Variants in DAZAP1 observed in about 807,000 individuals in gnomAD.
DAZAP1 encodes the protein DAZ-associated protein 1.
Under a neutral mutation model 60.1 loss-of-function variants are expected in DAZAP1, and 6 were observed. That is an observed-to-expected ratio of 0.10 (90% CI 0.05 to 0.20). DAZAP1 has a LOEUF of 0.20. DAZAP1 is among the 10% of genes least tolerant of loss of function. The pLI is 1.00. For synonymous variants in DAZAP1, 235 were observed against 215.9 expected, an observed-to-expected ratio of 1.09 and a Z score of -0.78; for missense variants, 366 against 560.4, an observed-to-expected ratio of 0.65 and a Z score of 3.50.
chr19:1,431,770 C>T (rs908518926), intron 10 of DAZAP1, among the ~76,000 whole-genome samples: 3 of 152,308 alleles, frequency 2.0e-5, no homozygotes, highest in East Asian at 1.9e-4. Flanking sequence ...GGGAGCCTTG[C>T]GTCCCTTACC....
chr19:1,417,453 A>G (rs558205346), intron 1 of DAZAP1, 47 bp from the exon 2 acceptor site: 5 of 1,573,262 alleles, frequency 3.2e-6, no homozygotes, highest in African/African-American at 1.3e-5. Context: ...GGGCATTTCT[A>G]AGGCGAGCGC....
At chr19:1,424,888 C>T (rs896650112) in intron 6 of DAZAP1, among the ~76,000 whole-genome samples, 5 of 152,148 alleles carry the variant, frequency 3.3e-5, no homozygotes, top group African/African-American at 7.2e-5. Flanking sequence ...TTTGCGGTGT[C>T]ACGCTCCACC....
chr19:1,425,860 C>T lies in DAZAP1; in HGVS notation c.464-18C>T. The T allele has an allele frequency of 6.4e-7, 1 of 1,566,282 alleles. No individual in the cohort carries two copies. The highest frequency in any genetic ancestry group is 8.8e-7 in the Non-Finnish European group (1 of 1,136,482). ...CACAACACCCTGCTACCTTGATTCA[C>T]TCTTCGTCGTTGGCTAGGTTTTGGA... is the stretch of plus-strand genomic sequence containing the variant. On this transcript the variant is annotated intron_variant, in intron 6 of 11. Coordinates refer to ENST00000233078, the MANE Select transcript of DAZAP1 (RefSeq NM_018959.4). This position sits in a 1 kb window ranked among gnomAD's most constrained non-coding sequence, Gnocchi z 5.4.
At chr19:1,414,014 T>C (rs1264423034) in intron 1 of DAZAP1, among the ~76,000 whole-genome samples, 2 of 150,846 alleles carry the variant, frequency 1.3e-5, no homozygotes, top group African/African-American at 4.9e-5. Context: ...TGTGTGTGTG[T>C]GTGTGTGTGT....
intron 8 of DAZAP1, 79 bp downstream of exon 8, chr19:1,429,074 T>C: frequency 6.9e-7 from 1 of 1,442,502 alleles, no homozygotes; most frequent in Non-Finnish European, 9.1e-7. Context: ...GTGCCGTCGC[T>C]GCGGCCTCCC....
chr19:1,413,138 C>T (rs991237283), intron 1 of DAZAP1, among the ~76,000 whole-genome samples: 4 of 152,234 alleles, frequency 2.6e-5, no homozygotes, highest in African/African-American at 9.6e-5. Context: ...CCTCAGTCCA[C>T]ACGCCGCCAG....
chr19:1,419,320 T>C (rs2083078166), intron 4 of DAZAP1, among the ~76,000 whole-genome samples: 2 of 152,174 alleles, frequency 1.3e-5, no homozygotes, highest in Admixed American at 1.3e-4. Context: ...ATGGGAAAGC[T>C]CTTAGCCCCA....
chr19:1,424,412 G>T (rs1231305440), intron 6 of DAZAP1, among the ~76,000 whole-genome samples: 1 of 142,454 alleles, frequency 7.0e-6, no homozygotes, highest in Non-Finnish European at 1.5e-5. Context: ...TCACGCTCAG[G>T]TGCACACGTG....
At chr19:1,408,417 C>T (rs1365409639) in intron 1 of DAZAP1, among the ~76,000 whole-genome samples, 1 of 152,204 alleles carries the variant, frequency 6.6e-6, no homozygotes, top group Non-Finnish European at 1.5e-5. Context: ...TGGTCCGGGG[C>T]GCCCCCAGCG....
chr19:1,419,029 C>A (rs1041908728), intron 4 of DAZAP1, among the ~76,000 whole-genome samples: 6 of 152,052 alleles, frequency 3.9e-5, no homozygotes, highest in Non-Finnish European at 8.8e-5. Flanking sequence ...GGGCCTGCCC[C>A]CTCCCACTGC....
At position 1,433,680 on chromosome 19, in the gene DAZAP1, A is replaced by G. The variant is rs1355429667; in HGVS notation, c.1048+990A>G. Reference sequence around the variant, plus strand: ...GCCCGGTTGGGGCGTGGCGTGTGTCAGCCGCTGCTCTTGGTGGCGGCTGCT... The same window carrying G: ...GCCCGGTTGGGGCGTGGCGTGTGTCGGCCGCTGCTCTTGGTGGCGGCTGCT... On this transcript the variant is annotated intron_variant, in intron 11 of 11. Coordinates refer to ENST00000233078, the MANE Select transcript of DAZAP1 (RefSeq NM_018959.4). This position sits in a 1 kb window ranked among gnomAD's most constrained non-coding sequence, Gnocchi z 6.1. 9 of 1,435,176 alleles carry G rather than the reference A, an allele frequency of 6.3e-6. No individual in the cohort carries two copies. Among genetic ancestry groups the G allele is most frequent in the Non-Finnish European group, 8.8e-6 (9 of 1,021,382 alleles). 88.9% of individuals were successfully genotyped at this position (1,435,176 alleles called of 1,614,324 possible).
At chr19:1,420,723 T>C (rs2083131633) in intron 4 of DAZAP1, among the ~76,000 whole-genome samples, 1 of 152,210 alleles carries the variant, frequency 6.6e-6, no homozygotes, top group Admixed American at 6.5e-5. Context: ...TCCGTAGCCA[T>C]CATTGTCACC....
rs893721091 is a variant in DAZAP1 at position 1,435,113 on chromosome 19, TA to T, written c.*209del. ...TTCTTTCTCTAACCCATCAGCACAA[TA>T]AAAAAAAGTCACTGGTTCAACAACA... On this transcript the variant is annotated 3_prime_UTR_variant, in exon 12 of 12. Coordinates refer to ENST00000233078, the MANE Select transcript of DAZAP1 (RefSeq NM_018959.4). 9 of 360,052 alleles carry T rather than the reference TA, an allele frequency of 2.5e-5. No individual in the cohort carries two copies. The highest frequency in any genetic ancestry group is 7.2e-4 in the Middle Eastern group (1 of 1,388). 22.3% of individuals were successfully genotyped at this position (360,052 alleles called of 1,614,324 possible).
At chr19:1,411,032 C>A (rs1011974815) in intron 1 of DAZAP1, among the ~76,000 whole-genome samples, 4 of 152,172 alleles carry the variant, frequency 2.6e-5, no homozygotes, top group African/African-American at 9.7e-5. Context: ...GAGTGGGGCT[C>A]CTGGCTGGGC....
Position 1,428,898 on chromosome 19 carries a change from A to T in DAZAP1, c.603A>T (p.Pro201=), listed in dbSNP as rs759678699. ...RDSKSQAPGQ[P]GASQWGSRVV... ...GCAAGAGCCAAGCGCCGGGACAGCC[A>T]GGTGCCAGCCAGTGGGGGAGCCGGG... The change falls in exon 8 of 12, where the codon CCA becomes CCT. Residue 201 remains proline, a synonymous_variant. Transcript: ENST00000233078. This position sits in a 1 kb window ranked among gnomAD's most constrained non-coding sequence, Gnocchi z 4.0. The T allele has an allele frequency of 7.4e-6, 12 of 1,613,026 alleles. No individual in the cohort carries two copies. The highest frequency in any genetic ancestry group is 1.0e-5 in the Non-Finnish European group (12 of 1,179,878).
In DAZAP1 at chr19:1,433,434, A is replaced by T; in HGVS notation, c.1048+744A>T. On this transcript the variant is annotated intron_variant, in intron 11 of 11. Transcript: ENST00000233078. The surrounding 1 kb of genome is among the most constrained non-coding windows in gnomAD (Gnocchi z 6.1). ...ATGGGGCACCTGTCTGCAGGTGGCC[A>T]CGGGCTTCCGGGGTGCCTGTGAACA... 2 of 405,414 alleles carry T rather than the reference A, an allele frequency of 4.9e-6. No homozygotes were observed. The highest frequency in any genetic ancestry group is 9.1e-6 in the Non-Finnish European group (2 of 219,524). The allele number at this position is 405,414 out of a possible 1,614,324, so 25.1% of individuals were successfully genotyped here. A position where few individuals can be genotyped will look rare whatever the true frequency, so the allele number is the denominator to read the frequency against.
intron 1 of DAZAP1, among the ~76,000 whole-genome samples, chr19:1,414,101 C>T (rs150645831): frequency 2.6e-5 from 4 of 151,552 alleles, no homozygotes; most frequent in Admixed American, 6.6e-5. Flanking sequence ...GTGCAACCTC[C>T]GCCTCCCGGG....
At chr19:1,410,676 A>G (rs1032012874) in intron 1 of DAZAP1, among the ~76,000 whole-genome samples, 1 of 152,202 alleles carries the variant, frequency 6.6e-6, no homozygotes, top group African/African-American at 2.4e-5. Flanking sequence ...TGTCAGGGAT[A>G]GGGCCCATGC....
Position 1,410,284 on chromosome 19 carries a change from G to A in DAZAP1, c.29+2482G>A, listed in dbSNP as rs114193962. Among the ~76,000 whole-genome samples the A allele has an allele frequency of 2.4e-3, 373 of 152,274 alleles. 5 individuals are homozygous for A. The highest frequency in any genetic ancestry group is 8.5e-3 in the African/African-American group (355 of 41,548). On this transcript the variant is annotated intron_variant, in intron 1 of 11. Coordinates refer to ENST00000233078, the MANE Select transcript of DAZAP1 (RefSeq NM_018959.4). ...AGGGGGGCTTCATGCAGGAGGAAGC[G>A]CATACGTGTGGTGGGGTGTGGGGAG...
Sources: gnomAD v4.1 joint callset for allele counts (sites outside exome capture counted in the v4.1 genomes callset) on GRCh38, gnomAD v4.1.1 for gene constraint, Gnocchi (gnomAD v3.1) non-coding constraint, MANE v1.5 for transcripts, NCBI Gene and HGNC (gene_info 2026-07-23, HGNC 2026-07-21) for gene names.